Variants in CCBE1 observed in about 807,000 individuals in gnomAD.
CCBE1 encodes the protein collagen and calcium-binding EGF domain-containing protein 1.
Under a neutral mutation model 50.0 loss-of-function variants are expected in CCBE1, and 37 were observed. That is an observed-to-expected ratio of 0.74 (90% confidence interval 0.57 to 0.97). The LOEUF is 0.97. Among genes scored for constraint, CCBE1 ranks in the 50% least tolerant of loss-of-function variants. The probability of loss-of-function intolerance (pLI) is 0.00; values close to 1 mark genes in which losing one functional copy is unlikely to be tolerated. For synonymous variants in CCBE1, 234 were observed against 203.7 expected (o/e 1.15, Z -1.27); for missense variants, 538 against 523.8 (o/e 1.03, Z -0.26).
rs182309491 is a variant in CCBE1, at chr18:59,576,165, C to T, written c.213-95927G>A. ...ACGTTGTGGATATACCACAACAGCACGCATGAAAGGCATTTGGCTTGTTTC... is the reference window on the plus strand; with the variant it reads ...ACGTTGTGGATATACCACAACAGCATGCATGAAAGGCATTTGGCTTGTTTC... On this transcript the variant is annotated intron_variant, in intron 2 of 10. Coordinates refer to ENST00000439986, the MANE Select transcript of CCBE1 (RefSeq NM_133459.4). Among the ~76,000 whole-genome samples the T allele has an allele frequency of 2.2e-4, 33 of 152,266 alleles. No individual in the cohort carries two copies. The East Asian group carries it at 4.2e-3, about 20-fold the overall frequency.
At chr18:59,495,895 G>A (rs1184116918) in intron 2 of CCBE1, among the ~76,000 whole-genome samples, 1 of 152,104 alleles carries the variant, frequency 6.6e-6, no homozygotes, top group Non-Finnish European at 1.5e-5. Context: ...TAGATCACAC[G>A]CTGGTCAACA....
rs769017246 is a variant in CCBE1 at position 59,439,795 on chromosome 18, C to T, written c.797G>A (p.Ser266Asn). The T allele has an allele frequency of 1.9e-6, 3 of 1,614,006 alleles. No homozygotes were observed. The highest frequency in any genetic ancestry group is 2.5e-6 in the Non-Finnish European group (3 of 1,180,016). Residue 266 changes from serine to asparagine, a missense_variant, in exon 8 of 11, where the codon AGC becomes AAC. Physicochemically the swap from Ser to Asn is conservative, Grantham distance 46 (BLOSUM62 1). Coordinates refer to ENST00000439986, the MANE Select transcript of CCBE1 (RefSeq NM_133459.4). Reference protein sequence around the residue: ...GPPGSPGPKGSPGFPGMPGPP... With the variant: ...GPPGSPGPKGNPGFPGMPGPP... Reference sequence around the variant, plus strand: ...GCCTGGCATACCGGGGAAGCCTGGGCTTCCCTTTGGTCCTGGTGAGCCTGT... The same window carrying T: ...GCCTGGCATACCGGGGAAGCCTGGGTTTCCCTTTGGTCCTGGTGAGCCTGT...
chr18:59,597,135 G>A (rs1219841854), intron 2 of CCBE1, among the ~76,000 whole-genome samples: 1 of 152,192 alleles, frequency 6.6e-6, no homozygotes, highest in African/African-American at 2.4e-5. Flanking sequence ...TCAGGCTAGG[G>A]GCTTAAATCT....
chr18:59,540,303 C>T (rs1183255667), intron 2 of CCBE1, among the ~76,000 whole-genome samples: 1 of 152,154 alleles, frequency 6.6e-6, no homozygotes, highest in Non-Finnish European at 1.5e-5. Context: ...GCTTAATTTT[C>T]ATCCATTATC....
At position 59,436,247 on chromosome 18, in the gene CCBE1, CTG is replaced by C. The variant is rs1163281701; in HGVS notation, c.988-108_988-107del. On this transcript the variant is annotated intron_variant, in intron 10 of 10. Transcript: ENST00000439986. ...GCTGGCAACTACTTTCTCAATAACT[CTG>C]TGCCCCAAATGGAGCCAATGTGAGG... 8 of 978,568 alleles carry C rather than the reference CTG, an allele frequency of 8.2e-6. No homozygotes were observed. In the Admixed American group the frequency reaches 1.1e-4, roughly 14 times the overall value. 60.6% of individuals were successfully genotyped at this position (978,568 alleles called of 1,614,324 possible).
chr18:59,674,478 G>A (rs1193946460), intron 2 of CCBE1, among the ~76,000 whole-genome samples: 1 of 152,100 alleles, frequency 6.6e-6, no homozygotes, highest in African/African-American at 2.4e-5. Context: ...GGTGGGTAGG[G>A]GGCTAGGAGA....
At chr18:59,622,489 G>A (rs1446666841) in intron 2 of CCBE1, among the ~76,000 whole-genome samples, 5 of 144,798 alleles carry the variant, frequency 3.5e-5, no homozygotes, top group Non-Finnish European at 7.5e-5. Flanking sequence ...GGGCGACAGA[G>A]TGAGACTTCA....
chr18:59,494,803 C>G (rs957681733), intron 2 of CCBE1, among the ~76,000 whole-genome samples: 2 of 152,102 alleles, frequency 1.3e-5, no homozygotes, highest in African/African-American at 4.8e-5. Flanking sequence ...CAAGGCAGGG[C>G]ATGGAGCTCT....
At chr18:59,490,387 C>CTTTTTT (rs11379621) in intron 2 of CCBE1, among the ~76,000 whole-genome samples, 2 of 141,794 alleles carry the variant, frequency 1.4e-5, no homozygotes, top group Admixed American at 7.0e-5. Flanking sequence ...GATATTCCCC[C>CTTTTTT]TTTTTTTTTT....
chr18:59,629,348 C>A (rs185498472), intron 2 of CCBE1, among the ~76,000 whole-genome samples: 1 of 152,206 alleles, frequency 6.6e-6, no homozygotes, highest in Non-Finnish European at 1.5e-5. Context: ...GACACTGTGT[C>A]GCTACAACTC....
intron 2 of CCBE1, among the ~76,000 whole-genome samples, chr18:59,675,084 A>G (rs1409774952): frequency 6.6e-6 from 1 of 152,192 alleles, no homozygotes; most frequent in Non-Finnish European, 1.5e-5. Context: ...GATGGATAAT[A>G]CAACACCCAA....
intron 2 of CCBE1, among the ~76,000 whole-genome samples, chr18:59,655,198 A>C (rs1599106005): frequency 1.3e-5 from 2 of 152,094 alleles, no homozygotes; most frequent in East Asian, 3.9e-4. Context: ...GGGCTTGACT[A>C]TGAGGGCCTC....
At chr18:59,513,326 A>AG (rs942418220) in intron 2 of CCBE1, among the ~76,000 whole-genome samples, 1 of 151,380 alleles carries the variant, frequency 6.6e-6, no homozygotes, top group African/African-American at 2.4e-5. Flanking sequence ...CAAAACAAAA[A>AG]AATTCAAGAA....
chr18:59,592,417 G>T (rs1358403635), intron 2 of CCBE1, among the ~76,000 whole-genome samples: 1 of 151,976 alleles, frequency 6.6e-6, no homozygotes, highest in Non-Finnish European at 1.5e-5. Context: ...TTTGAAAAAG[G>T]CAACTCAAAA....
intron 2 of CCBE1, among the ~76,000 whole-genome samples, chr18:59,628,998 G>C (rs1248178152): frequency 6.6e-6 from 1 of 152,066 alleles, no homozygotes; most frequent in Non-Finnish European, 1.5e-5. Context: ...GCCTCCTAAG[G>C]GATCCCATTT....
intron 2 of CCBE1, among the ~76,000 whole-genome samples, chr18:59,510,481 G>A (rs1382357105): frequency 2.0e-5 from 3 of 152,102 alleles, no homozygotes; most frequent in Admixed American, 6.5e-5. Flanking sequence ...GAGGGCAATG[G>A]CGTGATCTCA....
intron 2 of CCBE1, among the ~76,000 whole-genome samples, chr18:59,617,495 A>G (rs1454951255): frequency 1.3e-5 from 2 of 152,216 alleles, no homozygotes; most frequent in East Asian, 3.9e-4. Flanking sequence ...ATCAAAATGG[A>G]GAGAAATTGC....
intron 3 of CCBE1, among the ~76,000 whole-genome samples, chr18:59,473,999 T>C (rs1912188771): frequency 6.6e-6 from 1 of 152,240 alleles, no homozygotes; most frequent in South Asian, 2.1e-4. Flanking sequence ...TGTGTTTTTC[T>C]CTTCCTATGT....
At chr18:59,506,651 A>G (rs1913886963) in intron 2 of CCBE1, among the ~76,000 whole-genome samples, 1 of 152,142 alleles carries the variant, frequency 6.6e-6, no homozygotes, top group African/African-American at 2.4e-5. Flanking sequence ...TCCAGTCTCC[A>G]CCTATGGGTC....
Sources: gnomAD v4.1 joint callset for allele counts (sites outside exome capture counted in the v4.1 genomes callset) on GRCh38, gnomAD v4.1.1 for gene constraint, MANE v1.5 for transcripts, NCBI Gene and HGNC (gene_info 2026-07-23, HGNC 2026-07-21) for gene names.